The following ITPR2 variants were observed in gnomAD, a reference collection of about 807,000 sequenced individuals.
ITPR2 encodes inositol 1,4,5-trisphosphate receptor type 2.
In ITPR2, 207 loss-of-function variants were observed where a neutral mutation model predicts 317.1. The observed-to-expected ratio is 0.65, with a 90% CI of 0.58 to 0.73. The LOEUF is 0.73. ITPR2 is among the 30% of genes least tolerant of loss of function. The pLI is 0.00. For missense variants in ITPR2, 2,613 were observed against 3,284.0 expected, an observed-to-expected ratio of 0.80 and a Z score of 4.99; for synonymous variants, 1,156 against 1,149.1, an observed-to-expected ratio of 1.01 and a Z score of -0.12.
chr12:26,369,287 A>T (rs1939110900), intron 55 of ITPR2, among the ~76,000 whole-genome samples: 1 of 151,970 alleles, frequency 6.6e-6, no homozygotes, highest in African/African-American at 2.4e-5. Flanking sequence ...TATGTTTTAG[A>T]TTTTTTTCAT....
At chr12:26,457,389 C>A (rs1341334310) in intron 45 of ITPR2, among the ~76,000 whole-genome samples, 1 of 152,028 alleles carries the variant, frequency 6.6e-6, no homozygotes, top group African/African-American at 2.4e-5. Flanking sequence ...GGGAAGAAGG[C>A]CAGGTCATAT....
chr12:26,474,182 A>G (rs1260126211), intron 45 of ITPR2, among the ~76,000 whole-genome samples: 6 of 152,218 alleles, frequency 3.9e-5, no homozygotes. Flanking sequence ...CGAGAATCTG[A>G]CTTTATATCT....
intron 21 of ITPR2, among the ~76,000 whole-genome samples, chr12:26,636,710 G>A (rs1404241451): frequency 1.3e-5 from 2 of 152,054 alleles, no homozygotes; most frequent in Non-Finnish European, 2.9e-5. Flanking sequence ...TGAGATAAGG[G>A]AAAATAATGA....
At position 26,516,310 on chromosome 12, in the gene ITPR2, A is replaced by AGGAAAGGAAAGGAAG. The variant is rs1555145821; in HGVS notation, c.5074-21051_5074-21050insCTTCCTTTCCTTTCC. Among the ~76,000 whole-genome samples the AGGAAAGGAAAGGAAG allele has an allele frequency of 2.8e-3, 353 of 125,044 alleles. 11 individuals carry two copies. The highest frequency in any genetic ancestry group is 4.0e-3 in the Middle Eastern group (1 of 252). The allele number at this position is 125,044 out of a possible 152,430, so 82.0% of individuals were successfully genotyped here. A position where few individuals can be genotyped will look rare whatever the true frequency, so the allele number is the denominator to read the frequency against. ...GGGAAAGGAAAGGAAAGGAAAGGAA[A>AGGAAAGGAAAGGAAG]GGAAAGGAAAGGAAAGGAAAGGAAA... On this transcript the variant is annotated intron_variant, in intron 37 of 56. Coordinates refer to ENST00000381340, the MANE Select transcript of ITPR2 (RefSeq NM_002223.4).
At chr12:26,632,097 C>A (rs1591981363) in intron 21 of ITPR2, 38 bp from the exon 22 acceptor site, 5 of 1,462,218 alleles carry the variant, frequency 3.4e-6, no homozygotes, top group Middle Eastern at 3.8e-4. Flanking sequence ...CACACACAAC[C>A]CCTGGAGATC....
intron 37 of ITPR2, among the ~76,000 whole-genome samples, chr12:26,506,012 A>G (rs1943173879): frequency 6.6e-6 from 1 of 151,890 alleles, no homozygotes; most frequent in African/African-American, 2.4e-5. Flanking sequence ...TACTAAAAAT[A>G]TTCAAATATT....
At chr12:26,494,111 T>A in intron 39 of ITPR2, 42 bp downstream of exon 39, 1 of 1,443,090 alleles carries the variant, frequency 6.9e-7, no homozygotes, top group Non-Finnish European at 9.5e-7. Flanking sequence ...AAACAAGAAA[T>A]ACCAATAATA....
chr12:26,401,888 G>A (rs1364551093), intron 52 of ITPR2, among the ~76,000 whole-genome samples: 1 of 152,212 alleles, frequency 6.6e-6, no homozygotes, highest in Non-Finnish European at 1.5e-5. Context: ...CACCTTGAGA[G>A]GAGGGCTGAA....
chr12:26,600,475 C>G (rs1945970348), intron 28 of ITPR2, among the ~76,000 whole-genome samples: 4 of 151,982 alleles, frequency 2.6e-5, no homozygotes, highest in Admixed American at 2.6e-4. Context: ...CCTCTGTCCT[C>G]CTTTCCTCTC....
intron 55 of ITPR2, among the ~76,000 whole-genome samples, chr12:26,356,099 A>T (rs921850708): frequency 6.6e-6 from 1 of 152,130 alleles, no homozygotes; most frequent in Non-Finnish European, 1.5e-5. Flanking sequence ...ATGGCATTCA[A>T]CTCTAAGTTA....
intron 37 of ITPR2, among the ~76,000 whole-genome samples, chr12:26,531,510 A>C (rs184368902): frequency 6.6e-5 from 10 of 152,324 alleles, no homozygotes; most frequent in Non-Finnish European, 1.2e-4. Context: ...CATCTAAAGC[A>C]ATGCTCTGAC....
chr12:26,562,882 G>A (rs781599138), intron 34 of ITPR2, among the ~76,000 whole-genome samples: 6 of 150,740 alleles, frequency 4.0e-5, no homozygotes, highest in Admixed American at 1.3e-4. Context: ...AAACCTGCAC[G>A]TTGTGCACAT....
chr12:26,422,637 AT>A (rs1940935973), intron 49 of ITPR2, among the ~76,000 whole-genome samples: 1 of 152,126 alleles, frequency 6.6e-6, no homozygotes, highest in African/African-American at 2.4e-5. Context: ...AAATGTTACA[AT>A]TTTATTTGAT....
At chr12:26,768,975 C>A (rs1259615111) in intron 2 of ITPR2, among the ~76,000 whole-genome samples, 1 of 141,390 alleles carries the variant, frequency 7.1e-6, no homozygotes, top group African/African-American at 2.6e-5. Context: ...AGTTTGACCA[C>A]CTCCAAGTCA....
At chr12:26,508,667 T>G (rs1943250814) in intron 37 of ITPR2, among the ~76,000 whole-genome samples, 1 of 152,142 alleles carries the variant, frequency 6.6e-6, no homozygotes, top group African/African-American at 2.4e-5. Context: ...TTAAAAAAAG[T>G]TGCCCCTTGA....
chr12:26,686,888 T>C (rs140035315), intron 10 of ITPR2, among the ~76,000 whole-genome samples: 120 of 152,248 alleles, frequency 7.9e-4, no homozygotes, highest in Non-Finnish European at 1.6e-3. Flanking sequence ...GTACCAATAG[T>C]TATGGACCCT....
intron 10 of ITPR2, among the ~76,000 whole-genome samples, chr12:26,692,114 A>G (rs1948252182): frequency 6.6e-6 from 1 of 151,732 alleles, no homozygotes; most frequent in African/African-American, 2.4e-5. Context: ...AAGCTGGTAC[A>G]CCGCCCCCCC....
chr12:26,670,231 G>A (rs1006315532), intron 13 of ITPR2, among the ~76,000 whole-genome samples: 26 of 152,124 alleles, frequency 1.7e-4, no homozygotes, highest in Non-Finnish European at 3.7e-4. Flanking sequence ...ATCTGAGAAC[G>A]GGCAGACTGC....
intron 21 of ITPR2, among the ~76,000 whole-genome samples, chr12:26,641,138 G>C (rs1946974706): frequency 6.6e-6 from 1 of 152,058 alleles, no homozygotes; most frequent in Non-Finnish European, 1.5e-5. Flanking sequence ...GGAATACTTA[G>C]CTTCAAGAGA....
Sources: gnomAD v4.1 joint callset for allele counts (sites outside exome capture counted in the v4.1 genomes callset) on GRCh38, gnomAD v4.1.1 for gene constraint, MANE v1.5 for transcripts, NCBI Gene and HGNC (gene_info 2026-07-23, HGNC 2026-07-21) for gene names.